KALRN: variants seen among roughly 807,000 people sequenced by gnomAD.
KALRN encodes kalirin RhoGEF kinase.
A neutral mutation model predicts 353.7 loss-of-function variants in KALRN; 70 were observed. That is an observed-to-expected ratio of 0.20 (90% CI 0.16 to 0.24). KALRN has a LOEUF of 0.24. Among genes scored for constraint, KALRN ranks in the 10% least tolerant of loss-of-function variants. The pLI, the probability that KALRN is intolerant of heterozygous loss-of-function variation, is 1.00. For missense variants in KALRN, 2,791 were observed against 3,756.7 expected, an observed-to-expected ratio of 0.74 and a Z score of 6.72; for synonymous variants, 1,391 against 1,434.8, an observed-to-expected ratio of 0.97 and a Z score of 0.69.
intron 13 of KALRN, among the ~76,000 whole-genome samples, chr3:124,411,748 A>C (rs544940442): frequency 6.6e-6 from 1 of 152,206 alleles, no homozygotes; most frequent in South Asian, 2.1e-4. Context: ...ACCCAGGCTA[A>C]ATTATCTTTT....
chr3:124,462,457 TG>T, intron 24 of KALRN, 66 bp from the exon 25 acceptor site: 1 of 881,078 alleles, frequency 1.1e-6, no homozygotes, highest in Non-Finnish European at 1.9e-6. Context: ...TGAGCACCTG[TG>T]TATTTTGTCT....
At chr3:124,502,296 G>T (rs1471058773) in intron 33 of KALRN, among the ~76,000 whole-genome samples, 4 of 152,172 alleles carry the variant, frequency 2.6e-5, no homozygotes, top group Non-Finnish European at 4.4e-5. Flanking sequence ...GTCCAGTGGG[G>T]AAGGAGTGAA....
Position 124,564,291 on chromosome 3 carries a change from G to C in KALRN, c.5182+1202G>C, listed in dbSNP as rs190665351. Among the ~76,000 whole-genome samples the C allele has an allele frequency of 9.3e-3, 1,416 of 152,120 alleles. 23 individuals carry two copies. Among genetic ancestry groups the C allele is most frequent in the African/African-American group, 0.032 (1,334 of 41,482 alleles). On this transcript the variant is annotated intron_variant, in intron 34 of 59. Transcript: ENST00000682506. Reference sequence around the variant, plus strand: ...AACTACTCAGGGCATGGTGAGGCAGGAGGATCACTTGAGCCCAGGAGTTTG... The same window carrying C: ...AACTACTCAGGGCATGGTGAGGCAGCAGGATCACTTGAGCCCAGGAGTTTG...
At chr3:124,461,211 G>A (rs926232473) in intron 23 of KALRN, among the ~76,000 whole-genome samples, 1 of 152,108 alleles carries the variant, frequency 6.6e-6, no homozygotes, top group African/African-American at 2.4e-5. Context: ...TCAAATTTTA[G>A]TGTCCATAAA....
intron 13 of KALRN, among the ~76,000 whole-genome samples, chr3:124,411,049 C>T (rs2092106293): frequency 6.6e-6 from 1 of 151,938 alleles, no homozygotes; most frequent in Non-Finnish European, 1.5e-5. Flanking sequence ...CACACAGCAG[C>T]GTGGATGAAT....
rs149067843 is a variant in KALRN, at chr3:124,186,141, A to C, written c.74-41849A>C. Reference sequence around the variant, plus strand: ...AGTGGAGTATCTTCATAAGACCTTGAGGGAAAGTTGGTAGAGAGAGGATAC... The same window carrying C: ...AGTGGAGTATCTTCATAAGACCTTGCGGGAAAGTTGGTAGAGAGAGGATAC... On this transcript the variant is annotated intron_variant, in intron 1 of 59. Transcript: ENST00000682506. Among the ~76,000 whole-genome samples, 880 of 152,292 alleles carry C rather than the reference A, an allele frequency of 5.8e-3. 4 individuals carry two copies. Among genetic ancestry groups the C allele is most frequent in the South Asian group, 0.015 (74 of 4,824 alleles).
intron 6 of KALRN, among the ~76,000 whole-genome samples, chr3:124,317,099 G>A (rs1364372825): frequency 6.6e-6 from 1 of 152,174 alleles, no homozygotes; most frequent in Non-Finnish European, 1.5e-5. Context: ...AAATCCAAGA[G>A]CACGTCAAGG....
At chr3:124,034,304 C>T (rs1300718021) in intron 1 of KALRN, among the ~76,000 whole-genome samples, 1 of 152,168 alleles carries the variant, frequency 6.6e-6, no homozygotes, top group Non-Finnish European at 1.5e-5. Context: ...GCCGCGCCGG[C>T]TGCAGACTGA....
rs189767006 is a variant in KALRN, at chr3:124,612,208, A to G, written c.5183-20212A>G. Reference sequence around the variant, plus strand: ...TCCAGCTAATTTTTTAATTTTTTTAATTTTTATTTTTTGAGACGGAGTTTT... The same window carrying G: ...TCCAGCTAATTTTTTAATTTTTTTAGTTTTTATTTTTTGAGACGGAGTTTT... On this transcript the variant is annotated intron_variant, in intron 34 of 59. Coordinates refer to ENST00000682506, the MANE Select transcript of KALRN (RefSeq NM_001388419.1). Among the ~76,000 whole-genome samples the G allele has an allele frequency of 1.7e-3, 248 of 147,268 alleles. 2 individuals carry two copies. The highest frequency in any genetic ancestry group is 7.3e-3 in the Admixed American group (107 of 14,664).
chr3:124,259,313 T>C (rs2072511227), intron 3 of KALRN, among the ~76,000 whole-genome samples: 1 of 152,172 alleles, frequency 6.6e-6, no homozygotes, highest in African/African-American at 2.4e-5. Context: ...AGGCATCAGC[T>C]AAAGCAAGTA....
rs371408668 is a variant in KALRN, at chr3:124,562,990, C to G, written c.5083C>G (p.Arg1695Gly). The G allele has an allele frequency of 7.3e-7, 1 of 1,367,818 alleles. No individual in the cohort carries two copies. Among genetic ancestry groups the G allele is most frequent in the Non-Finnish European group, 9.8e-7 (1 of 1,022,022 alleles). The allele number at this position is 1,367,818 out of a possible 1,614,324, so 84.7% of individuals were successfully genotyped here. ...TTGGTGTCTGGTCCGTACCACCGAA[C>G]GGAGCCCGCCCTTGGAGGGTCTGGT... is the stretch of plus-strand genomic sequence containing the variant. ...PGWCLVRTTERSPPLEGLVPS... is the reference protein window; with the variant it reads ...PGWCLVRTTEGSPPLEGLVPS... The change falls in exon 34 of 60, where the codon CGG becomes GGG. Residue 1695 changes from arginine (R) to glycine (G), a missense_variant. Around this residue, in one of 11 missense-constraint regions of KALRN, gnomAD observed 239 missense variants for 351.3 expected, o/e 0.68. Transcript: ENST00000682506.
intron 33 of KALRN, among the ~76,000 whole-genome samples, chr3:124,508,618 G>T (rs1300027773): frequency 3.3e-5 from 5 of 152,072 alleles, no homozygotes; most frequent in Non-Finnish European, 7.4e-5. Flanking sequence ...GGATATTCTG[G>T]TATACATACC....
chr3:124,194,742 C>T (rs1375710230), intron 1 of KALRN, among the ~76,000 whole-genome samples: 4 of 152,158 alleles, frequency 2.6e-5, no homozygotes, highest in East Asian at 1.9e-4. Flanking sequence ...ACTGAGCCCT[C>T]TCCCAGTGCT....
chr3:124,076,977 C>A (rs902430870), intron 1 of KALRN, among the ~76,000 whole-genome samples: 2 of 152,200 alleles, frequency 1.3e-5, no homozygotes, highest in African/African-American at 4.8e-5. Flanking sequence ...GTCCTGTGTG[C>A]CCCTAGTTTG....
chr3:124,228,506 GT>G (rs1036557772), intron 2 of KALRN, among the ~76,000 whole-genome samples: 1 of 152,194 alleles, frequency 6.6e-6, no homozygotes, highest in Admixed American at 6.5e-5. Flanking sequence ...TTTAGTTTTT[GT>G]TTTTTTCTGA....
At chr3:124,181,519 A>C (rs2073594601) in intron 1 of KALRN, among the ~76,000 whole-genome samples, 1 of 152,132 alleles carries the variant, frequency 6.6e-6, no homozygotes, top group South Asian at 2.1e-4. Context: ...GCTTTGGTTC[A>C]TTATTAGCTC....
At chr3:124,122,421 C>T (rs2064133657) in intron 1 of KALRN, among the ~76,000 whole-genome samples, 1 of 152,114 alleles carries the variant, frequency 6.6e-6, no homozygotes. Context: ...CTTTATTGCA[C>T]TTTACTTTAT....
At chr3:124,128,313 G>A (rs767064062) in intron 1 of KALRN, among the ~76,000 whole-genome samples, 6 of 152,164 alleles carry the variant, frequency 3.9e-5, no homozygotes, top group Non-Finnish European at 8.8e-5. Flanking sequence ...CCAGTGTTAT[G>A]CTTGTTTGTC....
chr3:124,200,959 C>T (rs1347821557), intron 1 of KALRN, among the ~76,000 whole-genome samples: 3 of 152,194 alleles, frequency 2.0e-5, no homozygotes, highest in Non-Finnish European at 4.4e-5. Flanking sequence ...TTCCCAGCTT[C>T]CCTTGGCACT....
Sources: allele counts gnomAD v4.1 joint callset (sites outside exome capture counted in the v4.1 genomes callset), GRCh38; gene constraint gnomAD v4.1.1; regional missense constraint gnomAD v4.1.1; transcripts MANE v1.5; gene names NCBI Gene and HGNC (gene_info 2026-07-23, HGNC 2026-07-21).